CDC42BPA: variants seen among roughly 807,000 people sequenced by gnomAD.
The protein encoded by CDC42BPA is CDC42 binding protein kinase alpha.
In CDC42BPA, 80 loss-of-function variants were observed where a neutral mutation model predicts 223.5. That is an observed-to-expected ratio of 0.36 (90% CI 0.30 to 0.43). The LOEUF (loss-of-function observed/expected upper bound fraction) is 0.43, where lower values mean the gene tolerates loss of function less well. Ranked by LOEUF, CDC42BPA falls within the 20% of genes least tolerant of loss-of-function variation. CDC42BPA has a pLI of 1.00. For synonymous variants in CDC42BPA, 694 were observed against 718.6 expected, an observed-to-expected ratio of 0.97 and a Z score of 0.55; for missense variants, 1,743 against 2,099.9, an observed-to-expected ratio of 0.83 and a Z score of 3.32.
chr1:227,042,616 T>C (rs1160944577), intron 23 of CDC42BPA, among the ~76,000 whole-genome samples: 1 of 152,174 alleles, frequency 6.6e-6, no homozygotes, highest in Non-Finnish European at 1.5e-5. Context: ...TGTTTTGGTG[T>C]GAAAATGTAT....
At chr1:227,252,449 T>C (rs184671626) in intron 2 of CDC42BPA, among the ~76,000 whole-genome samples, 1 of 152,294 alleles carries the variant, frequency 6.6e-6, no homozygotes, top group East Asian at 1.9e-4. Flanking sequence ...CAGTTAAATC[T>C]TGTAAGCATA....
At chr1:227,058,726 G>A (rs1214274822) in intron 21 of CDC42BPA, among the ~76,000 whole-genome samples, 1 of 152,012 alleles carries the variant, frequency 6.6e-6, no homozygotes, top group African/African-American at 2.4e-5. Context: ...AGTATAGGAA[G>A]ATATTTACAG....
intron 15 of CDC42BPA, among the ~76,000 whole-genome samples, chr1:227,097,799 A>G (rs931489449): frequency 1.4e-4 from 21 of 152,212 alleles, no homozygotes; most frequent in African/African-American, 3.4e-4. Context: ...CTGTGCATGC[A>G]GCCCCTCCCA....
chr1:227,025,860 G>A (rs1386464320), intron 31 of CDC42BPA, among the ~76,000 whole-genome samples, 195 bp downstream of exon 31: 2 of 151,968 alleles, frequency 1.3e-5, no homozygotes, highest in Non-Finnish European at 2.9e-5. Flanking sequence ...AGTAAAATTA[G>A]TATGGTTTTA....
At chr1:227,204,841 C>T (rs1334008921) in intron 3 of CDC42BPA, among the ~76,000 whole-genome samples, 4 of 151,594 alleles carry the variant, frequency 2.6e-5, no homozygotes, top group African/African-American at 4.9e-5. Context: ...TTCACACTAC[C>T]GATAAACTCA....
chr1:227,177,603 G>A (rs7523167), intron 5 of CDC42BPA, among the ~76,000 whole-genome samples: 55,101 of 151,980 alleles, frequency 0.36, 10,144 homozygotes, highest in Middle Eastern at 0.39. Context: ...TTTTGGGTTT[G>A]CTGCAATTTT....
At chr1:227,046,093 A>G (rs1009391290) in intron 23 of CDC42BPA, among the ~76,000 whole-genome samples, 3 of 152,174 alleles carry the variant, frequency 2.0e-5, no homozygotes, top group African/African-American at 7.2e-5. Context: ...GGTGTGAGCC[A>G]CCACGTATCC....
chr1:227,100,286 C>CA (rs1684781464), intron 15 of CDC42BPA, among the ~76,000 whole-genome samples: 1 of 152,168 alleles, frequency 6.6e-6, no homozygotes. Context: ...CTGCTCCTCC[C>CA]ACTTCACTCT....
chr1:227,069,889 C>T (rs1572614751), intron 20 of CDC42BPA, 36 bp from the exon 21 acceptor site: 2 of 1,428,158 alleles, frequency 1.4e-6, no homozygotes, highest in South Asian at 1.2e-5. Context: ...AAGGCTACAA[C>T]AATTAAAATT....
intron 15 of CDC42BPA, among the ~76,000 whole-genome samples, chr1:227,095,186 A>G (rs1423448835): frequency 5.3e-5 from 8 of 152,208 alleles, no homozygotes; most frequent in Non-Finnish European, 1.0e-4. Context: ...AATGAGTTCA[A>G]TGAACGTATA....
intron 1 of CDC42BPA, among the ~76,000 whole-genome samples, chr1:227,298,074 G>C (rs1340700911): frequency 7.3e-6 from 1 of 137,884 alleles, no homozygotes; most frequent in Non-Finnish European, 1.6e-5. Context: ...AAAGCAGTGT[G>C]ACTATATACA....
intron 21 of CDC42BPA, chr1:227,068,366 A>G (rs1677540250): frequency 6.5e-6 from 1 of 152,716 alleles, no homozygotes; most frequent in African/African-American, 2.4e-5. Flanking sequence ...TTATATATAT[A>G]TAAAAAATAA....
intron 2 of CDC42BPA, among the ~76,000 whole-genome samples, chr1:227,247,745 C>T (rs1681239575): frequency 6.6e-6 from 1 of 151,574 alleles, no homozygotes; most frequent in Admixed American, 6.6e-5. Flanking sequence ...ATTAGCCAGG[C>T]GTGGTATGCA....
chr1:227,285,469 A>G (rs1688661079), intron 1 of CDC42BPA, among the ~76,000 whole-genome samples: 1 of 152,234 alleles, frequency 6.6e-6, no homozygotes, highest in African/African-American at 2.4e-5. Flanking sequence ...GGTTCTATCC[A>G]TATGCCCCTG....
chr1:227,296,950 G>A (rs1251902407), intron 1 of CDC42BPA, among the ~76,000 whole-genome samples: 1 of 152,122 alleles, frequency 6.6e-6, no homozygotes, highest in Admixed American at 6.6e-5. Flanking sequence ...AGAATATCCA[G>A]AATGTATGAA....
At chr1:227,079,317 A>G (rs1344868003) in intron 17 of CDC42BPA, among the ~76,000 whole-genome samples, 2 of 151,966 alleles carry the variant, frequency 1.3e-5, no homozygotes, top group African/African-American at 4.8e-5. Flanking sequence ...TTTCATCTTC[A>G]CCCTTTCTAT....
intron 15 of CDC42BPA, among the ~76,000 whole-genome samples, 164 bp downstream of exon 15, chr1:227,100,828 C>T (rs2149310687): frequency 6.7e-6 from 1 of 149,060 alleles, no homozygotes; most frequent in Non-Finnish European, 1.5e-5. Flanking sequence ...AATTATCATC[C>T]CATTTGCTTT....
chr1:227,278,515 A>G (rs114492922), intron 1 of CDC42BPA, among the ~76,000 whole-genome samples: 3,517 of 152,328 alleles, frequency 0.023, 141 homozygotes, highest in African/African-American at 0.079. Flanking sequence ...GGATTCCAAA[A>G]CAGCCTTTAA....
chr1:227,284,562 A>G (rs923721270), intron 1 of CDC42BPA, among the ~76,000 whole-genome samples: 1 of 152,178 alleles, frequency 6.6e-6, no homozygotes, highest in Non-Finnish European at 1.5e-5. Flanking sequence ...TTCTTAATCT[A>G]TGATTCCTAA....
Sources: allele counts gnomAD v4.1 joint callset (sites outside exome capture counted in the v4.1 genomes callset), GRCh38; gene constraint gnomAD v4.1.1; transcripts MANE v1.5; gene names NCBI Gene and HGNC (gene_info 2026-07-23, HGNC 2026-07-21).